Variants in RANBP2 observed in about 807,000 individuals in gnomAD.
The protein encoded by RANBP2 is E3 SUMO-protein ligase RanBP2.
RANBP2 carries 57 observed loss-of-function variants against 303.6 expected under a neutral mutation model. That is an observed-to-expected ratio of 0.19 (90% confidence interval 0.15 to 0.23). The LOEUF is 0.23. Ranked by LOEUF, RANBP2 falls within the 10% of genes least tolerant of loss-of-function variation. RANBP2 has a pLI of 1.00. For synonymous variants in RANBP2, 1,167 were observed against 1,301.5 expected (o/e 0.90, Z 2.23); for missense variants, 3,138 against 3,780.8 (o/e 0.83, Z 4.46).
At chr2:108,960,420 C>G in the RANBP2 span, among the ~76,000 whole-genome samples, 1 of 152,088 alleles carries the variant, frequency 6.6e-6, no homozygotes, top group Non-Finnish European at 1.5e-5. Context: ...GGTGCTCCCC[C>G]CAAAAACAGG....
chr2:109,024,532 A>C, the RANBP2 span, among the ~76,000 whole-genome samples: 1 of 152,238 alleles, frequency 6.6e-6, no homozygotes, highest in South Asian at 2.1e-4. Flanking sequence ...GTTCTGGTCT[A>C]GCCAACTCCC....
At chr2:108,992,059 CAA>C in the RANBP2 span, among the ~76,000 whole-genome samples, 1 of 152,202 alleles carries the variant, frequency 6.6e-6, no homozygotes, top group East Asian at 1.9e-4. Context: ...CTCAGCCTCC[CAA>C]AGTGCTGGGA....
the RANBP2 span, among the ~76,000 whole-genome samples, chr2:109,660,100 A>G: frequency 7.2e-5 from 11 of 152,204 alleles, no homozygotes; most frequent in African/African-American, 2.7e-4. Context: ...CTCCACACCC[A>G]ATTAGGGAAA....
At chr2:109,462,540 AC>A in the RANBP2 span, among the ~76,000 whole-genome samples, 2 of 151,798 alleles carry the variant, frequency 1.3e-5, no homozygotes, top group African/African-American at 2.4e-5. Context: ...GAGAATCACC[AC>A]CCCTGTATCC....
the RANBP2 span, chr2:108,906,495 G>C: frequency 4.2e-6 from 4 of 959,568 alleles, no homozygotes; most frequent in Non-Finnish European, 4.9e-6. Flanking sequence ...CACAGCCCCC[G>C]TGTCAGCAGC....
rs142125377 is a variant in RANBP2, at chr2:108,763,895, A to G, written c.3356A>G (p.Gln1119Arg). ...ISFTENMGSS[Q>R]QKNSGFRRSD... ...TTTACAGAAAACATGGGGTCGAGTC[A>G]GCAAAAGAATTCTGGTTTTCGGCGA... The change falls in exon 20 of 29, where the codon CAG (glutamine) becomes CGG (arginine). Residue 1119 changes from glutamine to arginine, a missense_variant. Gln to Arg is a conservative substitution (Grantham distance 43, BLOSUM62 1). Around this residue, in one of 20 missense-constraint regions of RANBP2, gnomAD observed 403 missense variants for 376.7 expected, o/e 1.07. Transcript: ENST00000283195. 7 of 1,613,950 alleles carry G rather than the reference A, an allele frequency of 4.3e-6. No individual in the cohort carries two copies. The highest frequency in any genetic ancestry group is 2.2e-5 in the East Asian group (1 of 44,884).
the RANBP2 span, among the ~76,000 whole-genome samples, chr2:108,858,384 C>T: frequency 3.9e-5 from 6 of 152,022 alleles, no homozygotes; most frequent in African/African-American, 1.4e-4. Context: ...AACGCTGTGC[C>T]CTTGTTGTTC....
the RANBP2 span, among the ~76,000 whole-genome samples, chr2:109,587,623 A>AATC: frequency 1.3e-5 from 2 of 152,198 alleles, no homozygotes; most frequent in African/African-American, 4.8e-5. Flanking sequence ...AAGGATAATG[A>AATC]AAACTTTAGG....
chr2:108,892,496 C>T, the RANBP2 span, among the ~76,000 whole-genome samples: 1 of 152,170 alleles, frequency 6.6e-6, no homozygotes, highest in African/African-American at 2.4e-5. Context: ...GTCCCAGTGC[C>T]TCTGGGCCCC....
chr2:108,939,936 C>T, the RANBP2 span, among the ~76,000 whole-genome samples: 1 of 152,198 alleles, frequency 6.6e-6, no homozygotes, highest in Non-Finnish European at 1.5e-5. Flanking sequence ...GAGACGAGGC[C>T]TCCTGCATGA....
At chr2:109,129,926 C>G in the RANBP2 span, 4 of 1,490,926 alleles carry the variant, frequency 2.7e-6, no homozygotes, top group Non-Finnish European at 3.6e-6. Flanking sequence ...CGCGCGGGCA[C>G]CAGCCCCGGC....
the RANBP2 span, among the ~76,000 whole-genome samples, chr2:109,529,682 A>C: frequency 6.6e-6 from 1 of 152,170 alleles, no homozygotes; most frequent in African/African-American, 2.4e-5. Context: ...GAAGGCGTTG[A>C]GGGGCGGCTG....
the RANBP2 span, among the ~76,000 whole-genome samples, chr2:109,249,588 C>CTTTT: frequency 1.5e-5 from 2 of 134,586 alleles, no homozygotes; most frequent in African/African-American, 6.1e-5. Flanking sequence ...TCCTTCCTTT[C>CTTTT]CTTTCTTTCT....
chr2:109,553,206 A>G, the RANBP2 span: 4 of 1,613,812 alleles, frequency 2.5e-6, no homozygotes, highest in African/African-American at 2.7e-5. Context: ...TTGGCTTCAT[A>G]GGTCTCTTGA....
chr2:109,725,096 C>G, the RANBP2 span, among the ~76,000 whole-genome samples: 25 of 152,180 alleles, frequency 1.6e-4, no homozygotes, highest in African/African-American at 5.5e-4. Context: ...CCAGGCTGCT[C>G]TAGATACTGG....
intron 7 of RANBP2, among the ~76,000 whole-genome samples, chr2:108,742,599 C>T (rs1264673589): frequency 2.6e-5 from 4 of 152,018 alleles, no homozygotes; most frequent in African/African-American, 4.8e-5. Context: ...CCACCGAGCC[C>T]GGCCTGTAAA....
At chr2:109,375,653 C>T in the RANBP2 span, among the ~76,000 whole-genome samples, 1 of 152,242 alleles carries the variant, frequency 6.6e-6, no homozygotes, top group Non-Finnish European at 1.5e-5. Context: ...AGAGTGAACT[C>T]ACAGGAGGAT....
the RANBP2 span, among the ~76,000 whole-genome samples, chr2:109,362,302 T>A: frequency 6.6e-6 from 1 of 152,250 alleles, no homozygotes; most frequent in Non-Finnish European, 1.5e-5. Context: ...TAAATTTCTC[T>A]TGAGAGTTTT....
At chr2:109,585,221 T>C in the RANBP2 span, 4 of 1,613,170 alleles carry the variant, frequency 2.5e-6, no homozygotes, top group East Asian at 4.5e-5. Flanking sequence ...ATGTCTGAGC[T>C]TTAAGTTTAA....
Sources: gnomAD v4.1 joint callset for allele counts (sites outside exome capture counted in the v4.1 genomes callset) on GRCh38, gnomAD v4.1.1 for gene constraint, gnomAD v4.1.1 regional missense constraint, MANE v1.5 for transcripts, NCBI Gene and HGNC (gene_info 2026-07-23, HGNC 2026-07-21) for gene names.